Variants in LNPEP observed in about 807,000 individuals in gnomAD.
LNPEP encodes the protein leucyl and cystinyl aminopeptidase.
LNPEP carries 64 observed loss-of-function variants against 120.6 expected under a neutral mutation model. The observed-to-expected ratio is 0.53, with a 90% CI of 0.43 to 0.65. The LOEUF (loss-of-function observed/expected upper bound fraction) is 0.65. Among genes scored for constraint, LNPEP ranks in the 30% least tolerant of loss-of-function variants. LNPEP has a pLI of 0.00. For missense variants in LNPEP, 1,057 were observed against 1,200.0 expected (o/e 0.88, Z 1.76); for synonymous variants, 435 against 425.4 (o/e 1.02, Z -0.28).
intron 7 of LNPEP, among the ~76,000 whole-genome samples, chr5:96,997,153 A>G (rs1790533744): frequency 6.6e-6 from 1 of 152,056 alleles, no homozygotes; most frequent in South Asian, 2.1e-4. Context: ...GATATGACAG[A>G]TATTGTCAAG....
chr5:96,980,079 T>TTAGGAATTTA, intron 2 of LNPEP, 101 bp downstream of exon 2: 1 of 1,169,940 alleles, frequency 8.5e-7, no homozygotes, highest in Non-Finnish European at 1.2e-6. Flanking sequence ...ATTTTTTTTT[T>TTAGGAATTTA]TAATTTAGGA....
At chr5:96,978,769 C>G (rs910209419) in intron 1 of LNPEP, among the ~76,000 whole-genome samples, 1 of 152,124 alleles carries the variant, frequency 6.6e-6, no homozygotes, top group Non-Finnish European at 1.5e-5. Context: ...CTGGTGGGGA[C>G]AGACATAGTC....
At position 97,027,784 on chromosome 5, in the gene LNPEP, C is replaced by A. The variant is rs1213292946; in HGVS notation, c.2916C>A (p.Tyr972Ter). 4 of 1,609,266 alleles carry A rather than the reference C, an allele frequency of 2.5e-6. No homozygotes were observed. Among genetic ancestry groups the A allele is most frequent in the African/African-American group, 1.3e-5 (1 of 74,820 alleles). Reference sequence around the variant, plus strand: ...AAAATATTGTTGCTGGATCAACTTACCTGTTTTCAACAAAGACACATTTAT... The same window carrying A: ...AAAATATTGTTGCTGGATCAACTTAACTGTTTTCAACAAAGACACATTTAT... ...TIQNIVAGST[Y>*]LFSTKTHLSE... is the part of the protein sequence containing the mutation. The change falls in exon 17 of 18, where the codon TAC (tyrosine) becomes TAA (stop). Residue 972 changes from tyrosine (Y) to a stop codon, truncating the protein, a stop_gained. Coordinates refer to ENST00000231368, the MANE Select transcript of LNPEP (RefSeq NM_005575.3). LOFTEE classifies it high-confidence loss of function.
At chr5:97,003,844 G>A (rs114646278) in intron 9 of LNPEP, among the ~76,000 whole-genome samples, 3,575 of 150,652 alleles carry the variant, frequency 0.024, 52 homozygotes, top group Non-Finnish European at 0.036. Context: ...TGTCTTCTCC[G>A]TATTAATGAA....
At chr5:96,952,617 A>G (rs1448593115) in intron 1 of LNPEP, among the ~76,000 whole-genome samples, 4 of 152,312 alleles carry the variant, frequency 2.6e-5, no homozygotes, top group African/African-American at 9.6e-5. Flanking sequence ...TGCCTTGGTT[A>G]TGTGCGGATT....
intron 1 of LNPEP, among the ~76,000 whole-genome samples, chr5:96,971,345 TTGTG>T (rs3076561): frequency 0.012 from 1,703 of 142,908 alleles, 27 homozygotes; most frequent in East Asian, 0.065. Flanking sequence ...ACATTATTAT[TTGTG>T]TGTGTGTGTG....
chr5:96,960,710 T>C lies in LNPEP; in HGVS notation c.20-18428T>C, dbSNP rs1789581239. On this transcript the variant is annotated intron_variant, in intron 1 of 17. Coordinates refer to ENST00000231368, the MANE Select transcript of LNPEP (RefSeq NM_005575.3). The stretch of plus-strand genomic sequence containing the variant: ...AACCAAATTTTAAAAATTAGTAGTT[T>C]TATCACCTAGGCAGAAAACTTTTCT... 1.3e-5 allele frequency among the ~76,000 whole-genome samples: 2 copies of C among 152,192 alleles called. 1 individual carries two copies. Among genetic ancestry groups the C allele is most frequent in the South Asian group, 4.1e-4 (2 of 4,826 alleles).
chr5:96,952,148 AAG>A (rs1205920900), intron 1 of LNPEP, among the ~76,000 whole-genome samples: 1 of 152,214 alleles, frequency 6.6e-6, no homozygotes, highest in Non-Finnish European at 1.5e-5. Flanking sequence ...ATTTAAAAAA[AAG>A]AGAATTATTA....
At position 97,024,521 on chromosome 5, in the gene LNPEP, C is replaced by G; in HGVS notation, c.2562C>G (p.Ser854Arg). The G allele has an allele frequency of 1.2e-6, 2 of 1,613,298 alleles. No homozygotes were observed. The highest frequency in any genetic ancestry group is 1.7e-6 in the Non-Finnish European group (2 of 1,179,522). Residue 854 changes from serine (S) to arginine (R), a missense_variant and splice_region_variant, in exon 15 of 18, where the codon AGC becomes AGG. Coordinates refer to ENST00000231368, the MANE Select transcript of LNPEP (RefSeq NM_005575.3). ...DDWMASNGTQSLPTDVMTTVF... is the reference protein window; with the variant it reads ...DDWMASNGTQRLPTDVMTTVF... ...TCATGTTTGACCACCTCTCTTACAG[C>G]CTACCTACTGATGTCATGACAACTG...
intron 8 of LNPEP, 23 bp from the exon 9 acceptor site, chr5:97,003,392 T>G (rs781673122): frequency 4.5e-6 from 6 of 1,327,656 alleles, no homozygotes; most frequent in Non-Finnish European, 6.1e-6. Flanking sequence ...TTCTTTCTTT[T>G]TCCTCACTTT....
At chr5:96,994,688 C>T (rs1790465694) in intron 6 of LNPEP, among the ~76,000 whole-genome samples, 1 of 152,162 alleles carries the variant, frequency 6.6e-6, no homozygotes, top group African/African-American at 2.4e-5. Context: ...GATGTCATGA[C>T]AGTGGCAGGA....
Position 96,993,258 on chromosome 5 carries a change from G to T in LNPEP, c.1252+123G>T, listed in dbSNP as rs955059094. 4.8e-6 allele frequency: 3 copies of T among 624,188 alleles called. No homozygotes were observed. The African/African-American group carries it at 5.6e-5, about 12-fold the overall frequency. 38.7% of individuals were successfully genotyped at this position (624,188 alleles called of 1,614,324 possible). A position where few individuals can be genotyped will look rare whatever the true frequency, so the allele number is the denominator to read the frequency against. On this transcript the variant is annotated intron_variant, in intron 5 of 17. Transcript: ENST00000231368. The stretch of plus-strand genomic sequence containing the variant: ...GAGAAAACCAAAAACCATTATTAAT[G>T]CTTTAAAAATTGTTTGTATTTGTTA...
At position 97,030,623 on chromosome 5, in the gene LNPEP, T is replaced by TGTGC. The variant is rs1791450803; in HGVS notation, c.*2093_*2094insCGTG. On this transcript the variant is annotated 3_prime_UTR_variant, in exon 18 of 18. Coordinates refer to ENST00000231368, the MANE Select transcript of LNPEP (RefSeq NM_005575.3). Reference sequence around the variant, plus strand: ...TTCTCTCCCTCTCTCTCTCTCTCTGTGTGTGTGTGTGTGTGTGTGTGTGTG... The same window carrying TGTGC: ...TTCTCTCCCTCTCTCTCTCTCTCTGTGTGCGTGTGTGTGTGTGTGTGTGTGTGTG... The TGTGC allele has an allele frequency of 6.4e-5, 1 of 15,632 alleles. No individual in the cohort carries two copies. The highest frequency in any genetic ancestry group is 1.2e-4 in the Non-Finnish European group (1 of 8,442). 1.0% of individuals were successfully genotyped at this position (15,632 alleles called of 1,614,324 possible).
At chr5:96,995,375 T>C (rs1166424426) in intron 6 of LNPEP, among the ~76,000 whole-genome samples, 1 of 152,204 alleles carries the variant, frequency 6.6e-6, no homozygotes, top group African/African-American at 2.4e-5. Context: ...AAATTACATA[T>C]TTTACAACTA....
chr5:96,941,326 C>T (rs1789047265), intron 1 of LNPEP, among the ~76,000 whole-genome samples: 1 of 152,122 alleles, frequency 6.6e-6, no homozygotes, highest in Non-Finnish European at 1.5e-5. Flanking sequence ...GCTGTGTGGC[C>T]TGATTCCTAA....
At chr5:96,942,480 C>G (rs1045994491) in intron 1 of LNPEP, 1 of 152,042 alleles carries the variant, frequency 6.6e-6, no homozygotes. Context: ...ATGGTGAAAC[C>G]CTGTCTCTAC....
intron 13 of LNPEP, among the ~76,000 whole-genome samples, chr5:97,018,070 A>G (rs1424674308): frequency 6.6e-6 from 1 of 152,154 alleles, no homozygotes; most frequent in Non-Finnish European, 1.5e-5. Flanking sequence ...GTACCTGCAA[A>G]GACCCTATTC....
At chr5:96,988,568 C>T (rs1418032438) in intron 4 of LNPEP, among the ~76,000 whole-genome samples, 1 of 151,726 alleles carries the variant, frequency 6.6e-6, no homozygotes, top group Non-Finnish European at 1.5e-5. Context: ...TAACTCCTGA[C>T]CTTGTGATCC....
intron 1 of LNPEP, among the ~76,000 whole-genome samples, chr5:96,953,362 T>G (rs1207948353): frequency 6.6e-6 from 1 of 152,072 alleles, no homozygotes; most frequent in East Asian, 1.9e-4. Flanking sequence ...ATGGTTGGAG[T>G]CTTTTATTGT....
Sources: gnomAD v4.1 joint callset for allele counts (sites outside exome capture counted in the v4.1 genomes callset) on GRCh38, gnomAD v4.1.1 for gene constraint, MANE v1.5 for transcripts, NCBI Gene and HGNC (gene_info 2026-07-23, HGNC 2026-07-21) for gene names.